Variants in BBS9 observed in about 807,000 individuals in gnomAD.
BBS9 encodes Bardet-Biedl syndrome 9, also known as protein PTHB1.
In BBS9, 89 loss-of-function variants were observed where a neutral mutation model predicts 117.7. The observed-to-expected ratio is 0.76, with a 90% confidence interval of 0.64 to 0.90. BBS9 has a LOEUF of 0.90. Ranked by LOEUF, BBS9 falls within the 40% of genes least tolerant of loss-of-function variation. BBS9 has a pLI of 0.00. For synonymous variants in BBS9, 379 were observed against 370.9 expected, an observed-to-expected ratio of 1.02 and a Z score of -0.25; for missense variants, 982 against 1,042.2, an observed-to-expected ratio of 0.94 and a Z score of 0.80.
intron 21 of BBS9, among the ~76,000 whole-genome samples, chr7:33,536,676 G>GGTCTTCCCCCCGCCCCCT (rs1851424502): frequency 3.2e-5 from 1 of 30,818 alleles, no homozygotes; most frequent in East Asian, 9.9e-4. Context: ...TCTGTGATTC[G>GGTCTTCCCCCCGCCCCCT]GCCTTCCCCC....
intron 12 of BBS9, chr7:33,346,271 T>G (rs16879154): frequency 0.014 from 6,721 of 469,628 alleles, 268 homozygotes; most frequent in African/African-American, 0.095. Context: ...TAATAAATCC[T>G]GTTAATTGAG....
intron 11 of BBS9, 98 bp downstream of exon 11, chr7:33,341,071 A>G: frequency 1.0e-6 from 1 of 972,312 alleles, no homozygotes; most frequent in Non-Finnish European, 1.6e-6. Flanking sequence ...TCCTCCAAGT[A>G]GACACTTCAG....
At chr7:33,260,279 T>C (rs898823688) in intron 6 of BBS9, among the ~76,000 whole-genome samples, 9 of 152,136 alleles carry the variant, frequency 5.9e-5, no homozygotes, top group Non-Finnish European at 1.3e-4. Context: ...TAGGATTACA[T>C]GCATGAGCCA....
intron 19 of BBS9, among the ~76,000 whole-genome samples, chr7:33,392,127 C>T (rs948267845): frequency 1.3e-5 from 2 of 152,222 alleles, no homozygotes; most frequent in African/African-American, 4.8e-5. Flanking sequence ...CTGCTTATCG[C>T]ATATTCCATT....
chr7:33,337,110 G>C (rs1375359332), intron 10 of BBS9, among the ~76,000 whole-genome samples: 2 of 152,084 alleles, frequency 1.3e-5, no homozygotes, highest in Non-Finnish European at 2.9e-5. Context: ...CATCCAAATG[G>C]TGTGTAGCTT....
intron 9 of BBS9, among the ~76,000 whole-genome samples, chr7:33,319,913 A>C (rs115519544): frequency 2.3e-3 from 356 of 152,366 alleles, no homozygotes; most frequent in African/African-American, 8.1e-3. Context: ...ACGAATAGAC[A>C]GTTCTCAAAA....
At chr7:33,466,100 A>T (rs181902085) in intron 19 of BBS9, among the ~76,000 whole-genome samples, 3 of 152,232 alleles carry the variant, frequency 2.0e-5, no homozygotes, top group East Asian at 3.9e-4. Context: ...TGAAATGGTT[A>T]CCACCATCAA....
chr7:33,341,644 A>T (rs13236378), intron 11 of BBS9, among the ~76,000 whole-genome samples: 1 of 87,092 alleles, frequency 1.1e-5, no homozygotes, highest in Non-Finnish European at 2.5e-5. Flanking sequence ...ATAATAATCA[A>T]CATCATCATA....
chr7:33,453,013 A>G (rs1403945626), intron 19 of BBS9, among the ~76,000 whole-genome samples: 1 of 152,220 alleles, frequency 6.6e-6, no homozygotes, highest in Non-Finnish European at 1.5e-5. Flanking sequence ...TGGAGTTGGC[A>G]GTACAATTTA....
At chr7:33,160,728 C>T (rs1210194545) in intron 4 of BBS9, among the ~76,000 whole-genome samples, 1 of 152,124 alleles carries the variant, frequency 6.6e-6, no homozygotes, top group Non-Finnish European at 1.5e-5. Flanking sequence ...CTCAAAATTT[C>T]AAGGTCCCAA....
At chr7:33,213,339 G>T (rs565576173) in intron 5 of BBS9, among the ~76,000 whole-genome samples, 1 of 152,190 alleles carries the variant, frequency 6.6e-6, no homozygotes, top group Non-Finnish European at 1.5e-5. Context: ...TCAGACAGCT[G>T]TGGTAAATGC....
chr7:33,555,964 C>T (rs1359356737), intron 21 of BBS9, among the ~76,000 whole-genome samples: 2 of 152,030 alleles, frequency 1.3e-5, no homozygotes, highest in African/African-American at 4.8e-5. Context: ...TTGCTATGTA[C>T]GTGTGTTTTA....
At chr7:33,621,192 G>A (rs1055555018) in intron 21 of BBS9, among the ~76,000 whole-genome samples, 1 of 152,126 alleles carries the variant, frequency 6.6e-6, no homozygotes, top group Admixed American at 6.6e-5. Flanking sequence ...AGCAAAAATA[G>A]ACAAAGGGGA....
intron 17 of BBS9, among the ~76,000 whole-genome samples, chr7:33,374,860 C>G (rs1584544871): frequency 7.3e-6 from 1 of 137,278 alleles, no homozygotes; most frequent in Non-Finnish European, 1.5e-5. Context: ...GAGGTCATGC[C>G]ATTGCACTCC....
chr7:33,493,842 A>G (rs1206089773), intron 19 of BBS9, among the ~76,000 whole-genome samples: 1 of 152,218 alleles, frequency 6.6e-6, no homozygotes, highest in East Asian at 1.9e-4. Flanking sequence ...GGAGGGTCTG[A>G]GTATAAAAAT....
At chr7:33,138,143 G>A (rs1206769639) in intron 1 of BBS9, among the ~76,000 whole-genome samples, 2 of 152,184 alleles carry the variant, frequency 1.3e-5, no homozygotes, top group African/African-American at 4.8e-5. Context: ...GGGGACTAGA[G>A]ACGAGGGAGA....
At chr7:33,551,282 C>T (rs1422884095) in intron 21 of BBS9, among the ~76,000 whole-genome samples, 1 of 152,080 alleles carries the variant, frequency 6.6e-6, no homozygotes, top group Non-Finnish European at 1.5e-5. Context: ...ATATTAAGGG[C>T]TGAGGTGTAG....
chr7:33,204,766 G>T lies in BBS9; in HGVS notation c.442+27175G>T, dbSNP rs74822305. Among the ~76,000 whole-genome samples, 2,719 of 152,250 alleles carry T rather than the reference G, an allele frequency of 0.018. 216 individuals carry two copies. The East Asian group carries it at 0.27, about 15-fold the overall frequency. On this transcript the variant is annotated intron_variant, in intron 5 of 22. Coordinates refer to ENST00000242067, the MANE Select transcript of BBS9 (RefSeq NM_198428.3). ...ACCCTCATACAAGATAGCAGGAAAAGAGGTGTATTGGGAGAAATAATTGAC... is the reference window on the plus strand; with the variant it reads ...ACCCTCATACAAGATAGCAGGAAAATAGGTGTATTGGGAGAAATAATTGAC...
rs34552202 is a variant in BBS9 at position 33,267,469 on chromosome 7, G to GT, written c.702+3105dup. ...TTCTGCTTTTCTTTGGATTTATCCAGTTTTTTTTTTAAATTCTATTTTATC... is the reference window on the plus strand; with the variant it reads ...TTCTGCTTTTCTTTGGATTTATCCAGTTTTTTTTTTTAAATTCTATTTTATC... On this transcript the variant is annotated intron_variant, in intron 7 of 22. Transcript: ENST00000242067. Among the ~76,000 whole-genome samples the GT allele has an allele frequency of 3.3e-5, 5 of 150,384 alleles. 1 individual carries two copies. The South Asian group carries it at 6.3e-4, about 19-fold the overall frequency.
Sources: allele counts gnomAD v4.1 joint callset (sites outside exome capture counted in the v4.1 genomes callset), GRCh38; gene constraint gnomAD v4.1.1; transcripts MANE v1.5; gene names NCBI Gene and HGNC (gene_info 2026-07-23, HGNC 2026-07-21).